Variants in CTNNA3 observed in about 807,000 individuals in gnomAD.
The protein encoded by CTNNA3 is catenin alpha 3, also known as catenin alpha-3.
In CTNNA3, 76 loss-of-function variants were observed where a neutral mutation model predicts 95.7. The observed-to-expected ratio is 0.79, with a 90% CI of 0.66 to 0.96. CTNNA3 has a LOEUF of 0.96. Ranked by LOEUF, CTNNA3 falls within the 40% of genes least tolerant of loss-of-function variation. The probability of loss-of-function intolerance (pLI) is 0.00; values close to 1 mark genes in which losing one functional copy is unlikely to be tolerated. For missense variants in CTNNA3, 1,191 were observed against 1,089.8 expected, an observed-to-expected ratio of 1.09 and a Z score of -1.31; for synonymous variants, 431 against 374.4, an observed-to-expected ratio of 1.15 and a Z score of -1.74.
intron 17 of CTNNA3, among the ~76,000 whole-genome samples, chr10:65,957,179 C>A (rs1032581068): frequency 9.2e-5 from 14 of 152,004 alleles, no homozygotes; most frequent in African/African-American, 4.8e-5. Context: ...TGTTTGGTTT[C>A]AAGTCTGTTT....
intron 13 of CTNNA3, among the ~76,000 whole-genome samples, chr10:66,215,788 A>G (rs934175361): frequency 1.3e-5 from 2 of 152,172 alleles, no homozygotes; most frequent in African/African-American, 4.8e-5. Context: ...CAAGAAAGAA[A>G]ATAAAGATTT....
chr10:66,331,336 T>C (rs1168307956), intron 12 of CTNNA3, among the ~76,000 whole-genome samples: 1 of 57,598 alleles, frequency 1.7e-5, no homozygotes, highest in Non-Finnish European at 4.1e-5. Flanking sequence ...CCTTTCCCCA[T>C]TGTTTGTTTT....
chr10:66,931,190 G>GT (rs916814608), intron 7 of CTNNA3, among the ~76,000 whole-genome samples: 1 of 25,590 alleles, frequency 3.9e-5, no homozygotes, highest in African/African-American at 1.1e-4. Flanking sequence ...GGTGACAACA[G>GT]TTAAAAAAAA....
chr10:67,167,954 G>GA (rs1403287244), intron 7 of CTNNA3, among the ~76,000 whole-genome samples: 1 of 152,106 alleles, frequency 6.6e-6, no homozygotes, highest in African/African-American at 2.4e-5. Flanking sequence ...CCAACATGGT[G>GA]AAACCCCATC....
At chr10:66,031,640 G>A (rs1231952247) in intron 15 of CTNNA3, among the ~76,000 whole-genome samples, 5 of 152,166 alleles carry the variant, frequency 3.3e-5, no homozygotes, top group Non-Finnish European at 7.4e-5. Context: ...GATGGGATCA[G>A]TCATACTCTG....
At chr10:67,385,457 A>G (rs918081063) in intron 5 of CTNNA3, among the ~76,000 whole-genome samples, 18 of 152,248 alleles carry the variant, frequency 1.2e-4, no homozygotes, top group African/African-American at 3.9e-4. Context: ...CCTAATCTCT[A>G]TTGAGACCCA....
At chr10:67,757,400 C>A in intron 1 of CTNNA3, among the ~76,000 whole-genome samples, 1 of 152,026 alleles carries the variant, frequency 6.6e-6, no homozygotes, top group East Asian at 1.9e-4. Context: ...AAGTATTGTT[C>A]CTGGGTGTGT....
chr10:66,166,372 T>C (rs1446114155), intron 13 of CTNNA3, among the ~76,000 whole-genome samples: 1 of 151,772 alleles, frequency 6.6e-6, no homozygotes, highest in East Asian at 2.0e-4. Flanking sequence ...TGGGCACCTA[T>C]AATCCCAGCT....
chr10:66,618,799 A>G (rs1286757820), intron 10 of CTNNA3, among the ~76,000 whole-genome samples: 156 of 152,128 alleles, frequency 1.0e-3, no homozygotes, highest in African/African-American at 3.6e-3. Flanking sequence ...GAAAATTTTC[A>G]CAACCTACTC....
intron 12 of CTNNA3, among the ~76,000 whole-genome samples, chr10:66,298,712 C>T (rs2091818630): frequency 1.3e-5 from 2 of 152,124 alleles, no homozygotes. Flanking sequence ...AGAGAGTTGG[C>T]AAGTGATCTA....
chr10:67,378,130 T>C (rs1843766341), intron 5 of CTNNA3, among the ~76,000 whole-genome samples: 1 of 152,214 alleles, frequency 6.6e-6, no homozygotes, highest in Non-Finnish European at 1.5e-5. Context: ...TATGTTCTAC[T>C]TTTTACTTTT....
At chr10:66,511,779 C>T (rs1840671673) in intron 11 of CTNNA3, among the ~76,000 whole-genome samples, 1 of 151,860 alleles carries the variant, frequency 6.6e-6, no homozygotes, top group African/African-American at 2.4e-5. Context: ...TTGGGCCTAA[C>T]ATAGGGTCTA....
At chr10:65,971,771 A>G (rs1289727573) in intron 16 of CTNNA3, among the ~76,000 whole-genome samples, 1 of 152,110 alleles carries the variant, frequency 6.6e-6, no homozygotes, top group Non-Finnish European at 1.5e-5. Flanking sequence ...AAACTATTCC[A>G]AAAAATGGAG....
intron 6 of CTNNA3, among the ~76,000 whole-genome samples, chr10:67,217,679 A>G (rs1864444454): frequency 6.6e-6 from 1 of 152,196 alleles, no homozygotes; most frequent in Admixed American, 6.5e-5. Flanking sequence ...GAGGTCTCAG[A>G]AGGAGGAACA....
chr10:66,330,914 G>C (rs2092318535), intron 12 of CTNNA3, among the ~76,000 whole-genome samples: 1 of 151,896 alleles, frequency 6.6e-6, no homozygotes, highest in Non-Finnish European at 1.5e-5. Flanking sequence ...TTTTTGATGG[G>C]GTGGTTTGTT....
chr10:66,100,540 G>A (rs1193598153), intron 14 of CTNNA3, among the ~76,000 whole-genome samples: 2 of 152,128 alleles, frequency 1.3e-5, no homozygotes, highest in Admixed American at 6.6e-5. Flanking sequence ...TTCACCCAGC[G>A]GCATTCCGAA....
At chr10:66,258,334 C>T (rs529547030) in intron 13 of CTNNA3, among the ~76,000 whole-genome samples, 4 of 152,280 alleles carry the variant, frequency 2.6e-5, no homozygotes, top group African/African-American at 4.8e-5. Context: ...GCCTCTCTAG[C>T]GCTCCTGAAG....
intron 13 of CTNNA3, among the ~76,000 whole-genome samples, chr10:66,108,398 CTT>C (rs1041435311): frequency 1.8e-4 from 28 of 152,028 alleles, no homozygotes; most frequent in Non-Finnish European, 3.4e-4. Context: ...ACTTAAGACT[CTT>C]TGTGTCTTTC....
intron 5 of CTNNA3, among the ~76,000 whole-genome samples, chr10:67,242,544 A>G (rs1036925687): frequency 1.4e-4 from 21 of 152,220 alleles, no homozygotes; most frequent in African/African-American, 4.3e-4. Flanking sequence ...TTGGCACACT[A>G]TACTGTATCT....
Sources: gnomAD v4.1 joint callset for allele counts (sites outside exome capture counted in the v4.1 genomes callset) on GRCh38, gnomAD v4.1.1 for gene constraint, MANE v1.5 for transcripts, NCBI Gene and HGNC (gene_info 2026-07-23, HGNC 2026-07-21) for gene names.